The following BANK1 variants were observed in gnomAD, a reference collection of about 807,000 sequenced individuals.
BANK1 encodes the protein B-cell scaffold protein with ankyrin repeats.
BANK1 carries 95 observed loss-of-function variants against 94.5 expected under a neutral mutation model. The ratio of observed to expected loss-of-function variants is 1.00; its 90% CI spans 0.85 to 1.19. BANK1 has a LOEUF of 1.19. Among genes scored for constraint, BANK1 ranks in the 50% most tolerant of loss-of-function variants. The pLI is 0.00. For synonymous variants in BANK1, 334 were observed against 308.4 expected (o/e 1.08, Z -0.87); for missense variants, 987 against 932.2 (o/e 1.06, Z -0.77).
chr4:101,972,375 G>A (rs1045509914), intron 7 of BANK1: 3 of 151,958 alleles, frequency 2.0e-5, no homozygotes, highest in Non-Finnish European at 4.4e-5. Flanking sequence ...TGTTGATATT[G>A]TATCCTGCAA....
intron 1 of BANK1, among the ~76,000 whole-genome samples, chr4:101,817,726 G>A (rs1042064757): frequency 6.6e-6 from 1 of 152,048 alleles, no homozygotes; most frequent in South Asian, 2.1e-4. Flanking sequence ...CGGTATACAG[G>A]GCTATCCTGA....
At chr4:101,815,410 A>G (rs986028423) in intron 1 of BANK1, among the ~76,000 whole-genome samples, 4 of 152,172 alleles carry the variant, frequency 2.6e-5, no homozygotes, top group Non-Finnish European at 5.9e-5. Context: ...AATTGTAAGT[A>G]TTGCACCTGG....
At chr4:101,995,888 T>C (rs1725861699) in intron 7 of BANK1, among the ~76,000 whole-genome samples, 1 of 152,224 alleles carries the variant, frequency 6.6e-6, no homozygotes, top group Non-Finnish European at 1.5e-5. Context: ...TCTCCCATTC[T>C]GTAGGTTTCC....
intron 6 of BANK1, among the ~76,000 whole-genome samples, chr4:101,911,820 G>T (rs2148897795): frequency 6.6e-6 from 1 of 152,262 alleles, no homozygotes; most frequent in South Asian, 2.1e-4. Context: ...ATGCTGCACT[G>T]AACTGTCTGT....
At chr4:102,048,558 C>A (rs1007522564) in intron 11 of BANK1, among the ~76,000 whole-genome samples, 9 of 152,094 alleles carry the variant, frequency 5.9e-5, no homozygotes, top group African/African-American at 1.9e-4. Flanking sequence ...CAGTGATACT[C>A]TCTTTATTTG....
chr4:101,840,048 A>C (rs1225704613), intron 2 of BANK1, among the ~76,000 whole-genome samples: 1 of 120,546 alleles, frequency 8.3e-6, no homozygotes, highest in Non-Finnish European at 1.6e-5. Flanking sequence ...GGCTCACTGC[A>C]AGCTCCGCCT....
In BANK1 at chr4:102,030,002, G is replaced by T; in HGVS notation, c.1637G>T (p.Gly546Val). The T allele has an allele frequency of 6.2e-7, 1 of 1,612,050 alleles. No individual in the cohort carries two copies. Among genetic ancestry groups the T allele is most frequent in the Non-Finnish European group, 8.5e-7 (1 of 1,179,518 alleles). ...CAAATGGAAAGAAGTCAAAACTGGG[G>T]TCATCCTGGTGTTAGACAAGAAACA... ...EGQMERSQNW[G>V]HPGVRQETGD... The change falls in exon 10 of 17, where the codon GGT becomes GTT. Residue 546 changes from glycine (G) to valine (V), a missense_variant. Transcript: ENST00000322953.
Position 101,923,029 on chromosome 4 carries a change from G to C in BANK1, c.1206+4840G>C, listed in dbSNP as rs75033037. 1.2e-3 allele frequency among the ~76,000 whole-genome samples: 178 copies of C among 151,786 alleles called. 2 individuals carry two copies. Among genetic ancestry groups the C allele is most frequent in the Admixed American group, 8.4e-3 (127 of 15,198 alleles). Reference sequence around the variant, plus strand: ...CTCCTAGAGTCTTGGAATTCAGCCAGGTCTGGATTTTAAACCTAACTTCAT... The same window carrying C: ...CTCCTAGAGTCTTGGAATTCAGCCACGTCTGGATTTTAAACCTAACTTCAT... On this transcript the variant is annotated intron_variant, in intron 7 of 16. Transcript: ENST00000322953.
intron 9 of BANK1, among the ~76,000 whole-genome samples, chr4:102,029,322 G>C (rs1305033732): frequency 6.6e-6 from 1 of 151,654 alleles, no homozygotes; most frequent in Non-Finnish European, 1.5e-5. Context: ...ATTTCTCCCT[G>C]TCATTTTCAG....
chr4:102,071,591 G>A (rs1233830448), intron 14 of BANK1, among the ~76,000 whole-genome samples: 4 of 152,146 alleles, frequency 2.6e-5, no homozygotes, highest in African/African-American at 4.8e-5. Flanking sequence ...AGTCACTTAC[G>A]CTCTGTGGGC....
intron 1 of BANK1, among the ~76,000 whole-genome samples, chr4:101,799,342 C>G (rs1244581621): frequency 1.7e-4 from 26 of 152,102 alleles, no homozygotes; most frequent in Non-Finnish European, 3.5e-4. Context: ...GGTACCAGTA[C>G]CATACTGTTT....
At position 101,988,312 on chromosome 4, in the gene BANK1, C is replaced by T. The variant is rs550416727; in HGVS notation, c.1207-33202C>T. On this transcript the variant is annotated intron_variant, in intron 7 of 16. Coordinates refer to ENST00000322953, the MANE Select transcript of BANK1 (RefSeq NM_017935.5). ...TGAAAATATTTCCTAGGTGTTAAAA[C>T]AGCTTTTAGAGTTCTAATTAGCACT... Among the ~76,000 whole-genome samples, 4 of 152,220 alleles carry T rather than the reference C, an allele frequency of 2.6e-5. No homozygotes were observed. The South Asian group carries it at 8.3e-4, about 32-fold the overall frequency.
intron 7 of BANK1, among the ~76,000 whole-genome samples, chr4:102,001,702 T>C (rs748611525): frequency 2.0e-5 from 3 of 152,162 alleles, no homozygotes; most frequent in African/African-American, 4.8e-5. Flanking sequence ...CCAATGAGGT[T>C]GAGGCAGACA....
In BANK1 at chr4:102,010,401, T is replaced by TA. The variant is rs1215506647; in HGVS notation, c.1207-11113_1207-11112insA. The stretch of plus-strand genomic sequence containing the variant: ...TAGTTTGATTAATTTCTTTTTTTTT[T>TA]TTTTTTTTGGGACGGAGTTTCACTT... On this transcript the variant is annotated intron_variant, in intron 7 of 16. Coordinates refer to ENST00000322953, the MANE Select transcript of BANK1 (RefSeq NM_017935.5). 4.6e-3 allele frequency among the ~76,000 whole-genome samples: 698 copies of TA among 151,366 alleles called. 7 individuals carry two copies. The highest frequency in any genetic ancestry group is 5.9e-3 in the Non-Finnish European group (398 of 67,718).
intron 11 of BANK1, among the ~76,000 whole-genome samples, chr4:102,051,220 T>A (rs1339162020): frequency 1.3e-5 from 2 of 152,232 alleles, no homozygotes; most frequent in African/African-American, 4.8e-5. Context: ...TTGCCAGTAC[T>A]GGATATATTA....
At chr4:102,015,814 T>C (rs1560688118) in intron 7 of BANK1, among the ~76,000 whole-genome samples, 1 of 152,190 alleles carries the variant, frequency 6.6e-6, no homozygotes, top group Non-Finnish European at 1.5e-5. Flanking sequence ...TACCCTTTGC[T>C]TTGACTATCA....
chr4:102,009,154 G>T (rs555810952), intron 7 of BANK1, among the ~76,000 whole-genome samples: 2 of 152,178 alleles, frequency 1.3e-5, no homozygotes, highest in Non-Finnish European at 2.9e-5. Context: ...CAGTCAATAC[G>T]GTACTTATCC....
intron 7 of BANK1, among the ~76,000 whole-genome samples, chr4:102,018,019 A>G (rs184004044): frequency 1.5e-3 from 225 of 152,308 alleles, no homozygotes; most frequent in Non-Finnish European, 2.1e-3. Flanking sequence ...ATGTGCTTTT[A>G]GGTCATATCC....
intron 2 of BANK1, among the ~76,000 whole-genome samples, chr4:101,844,290 G>T (rs1727165810): frequency 6.6e-6 from 1 of 152,186 alleles, no homozygotes; most frequent in African/African-American, 2.4e-5. Context: ...CCATTGATGT[G>T]AATGTTGTAA....
Sources: allele counts gnomAD v4.1 joint callset (sites outside exome capture counted in the v4.1 genomes callset), GRCh38; gene constraint gnomAD v4.1.1; transcripts MANE v1.5; gene names NCBI Gene and HGNC (gene_info 2026-07-23, HGNC 2026-07-21).